Variants in ITPRID1 observed in about 807,000 individuals in gnomAD.
ITPRID1 encodes protein ITPRID1.
In ITPRID1, 96 loss-of-function variants were observed where a neutral mutation model predicts 95.4. The observed-to-expected ratio is 1.01, with a 90% CI of 0.85 to 1.19. ITPRID1 has a LOEUF of 1.19. ITPRID1 is among the 50% of genes most tolerant of loss of function. The pLI is 0.00. For missense variants in ITPRID1, 1,339 were observed against 1,252.9 expected (o/e 1.07, Z -1.04); for synonymous variants, 510 against 453.6 (o/e 1.12, Z -1.58).
At chr7:31,561,736 A>G (rs1322837715) in intron 5 of ITPRID1, among the ~76,000 whole-genome samples, 1 of 152,188 alleles carries the variant, frequency 6.6e-6, no homozygotes, top group African/African-American at 2.4e-5. Context: ...TGGATGACTT[A>G]CAGAAAAGAG....
At chr7:31,611,272 A>G (rs932008541) in intron 10 of ITPRID1, among the ~76,000 whole-genome samples, 7 of 151,618 alleles carry the variant, frequency 4.6e-5, no homozygotes, top group Admixed American at 3.9e-4. Flanking sequence ...TATTATTGTC[A>G]TACACATTAC....
chr7:31,619,117 G>A (rs1196901540), intron 10 of ITPRID1, among the ~76,000 whole-genome samples: 1 of 152,112 alleles, frequency 6.6e-6, no homozygotes, highest in Non-Finnish European at 1.5e-5. Context: ...GTGTATATTA[G>A]TCACAACATT....
At chr7:31,530,247 C>CT (rs1418772261) in intron 1 of ITPRID1, among the ~76,000 whole-genome samples, 4 of 152,052 alleles carry the variant, frequency 2.6e-5, no homozygotes, top group African/African-American at 4.8e-5. Flanking sequence ...GTACTTAGGA[C>CT]TTTTTTTGTC....
At chr7:31,526,836 C>T (rs1013012538) in intron 1 of ITPRID1, among the ~76,000 whole-genome samples, 8 of 152,148 alleles carry the variant, frequency 5.3e-5, no homozygotes, top group Non-Finnish European at 1.0e-4. Context: ...TGGTCCCCAG[C>T]CTCCTTTTTT....
At chr7:31,549,940 T>G (rs1784227314) in intron 2 of ITPRID1, among the ~76,000 whole-genome samples, 1 of 152,168 alleles carries the variant, frequency 6.6e-6, no homozygotes. Context: ...CTGCTTTAAG[T>G]GTCAAAGCAC....
At chr7:31,583,797 C>G (rs1396935097) in intron 10 of ITPRID1, among the ~76,000 whole-genome samples, 5 of 152,082 alleles carry the variant, frequency 3.3e-5, no homozygotes, top group Admixed American at 3.3e-4. Flanking sequence ...TGGGACTGAG[C>G]CTGACTGTGG....
chr7:31,516,745 G>A (rs1054013543), intron 1 of ITPRID1, among the ~76,000 whole-genome samples: 9 of 151,922 alleles, frequency 5.9e-5, no homozygotes, highest in Non-Finnish European at 1.2e-4. Context: ...CCAAAGTAGT[G>A]ACTTCTCTGT....
At chr7:31,620,791 A>C (rs113240349) in intron 10 of ITPRID1, among the ~76,000 whole-genome samples, 2,223 of 152,302 alleles carry the variant, frequency 0.015, 62 homozygotes, top group African/African-American at 0.05. Flanking sequence ...AGAAGAAGAC[A>C]TCAGACGATC....
At chr7:31,544,120 G>A (rs564530871) in intron 1 of ITPRID1, among the ~76,000 whole-genome samples, 19 of 152,174 alleles carry the variant, frequency 1.2e-4, no homozygotes, top group African/African-American at 3.9e-4. Flanking sequence ...GCACAATGTT[G>A]AAAAGGAATG....
At chr7:31,519,645 T>TATATATATATATATATATATATATATAA (rs1332451516) in intron 1 of ITPRID1, among the ~76,000 whole-genome samples, 37 of 115,068 alleles carry the variant, frequency 3.2e-4, no homozygotes, top group East Asian at 5.7e-4. Flanking sequence ...TATATATATA[T>TATATATATATATATATATATATATATAA]AAATCTTATG....
At chr7:31,521,755 C>T (rs1459162673) in intron 1 of ITPRID1, among the ~76,000 whole-genome samples, 1 of 143,772 alleles carries the variant, frequency 7.0e-6, no homozygotes, top group African/African-American at 2.5e-5. Flanking sequence ...GGGCCTCGTT[C>T]TCTCACCCAA....
At chr7:31,548,752 C>T (rs1197288395) in intron 1 of ITPRID1, among the ~76,000 whole-genome samples, 1 of 151,994 alleles carries the variant, frequency 6.6e-6, no homozygotes, top group Admixed American at 6.6e-5. Flanking sequence ...CAGGACTGGT[C>T]TCTTAGTTTG....
intron 10 of ITPRID1, among the ~76,000 whole-genome samples, chr7:31,601,072 TA>T (rs1786375043): frequency 6.6e-6 from 1 of 152,116 alleles, no homozygotes; most frequent in Non-Finnish European, 1.5e-5. Flanking sequence ...ATGCTGAAGA[TA>T]CAAATAGAAG....
intron 5 of ITPRID1, among the ~76,000 whole-genome samples, chr7:31,556,609 G>A (rs539919977): frequency 6.6e-6 from 1 of 152,208 alleles, no homozygotes; most frequent in East Asian, 1.9e-4. Flanking sequence ...AATGGTGGAT[G>A]CTAGAACAGT....
chr7:31,623,861 T>G (rs1163136231), intron 10 of ITPRID1, among the ~76,000 whole-genome samples: 4 of 152,136 alleles, frequency 2.6e-5, no homozygotes, highest in African/African-American at 9.7e-5. Context: ...TGATTTTATA[T>G]GTAGAAAACC....
intron 1 of ITPRID1, among the ~76,000 whole-genome samples, chr7:31,519,919 T>A (rs975102347): frequency 1.3e-5 from 2 of 151,946 alleles, no homozygotes; most frequent in African/African-American, 2.4e-5. Flanking sequence ...TATTATTAAC[T>A]AAGTCCGCCT....
chr7:31,531,362 A>AT (rs1783590469), intron 1 of ITPRID1, among the ~76,000 whole-genome samples: 4 of 151,562 alleles, frequency 2.6e-5, no homozygotes, highest in Admixed American at 2.0e-4. Flanking sequence ...TAATTTTCTG[A>AT]TTATAAGAAT....
chr7:31,527,239 A>T (rs12701109), intron 1 of ITPRID1, among the ~76,000 whole-genome samples: 1 of 152,000 alleles, frequency 6.6e-6, no homozygotes, highest in Non-Finnish European at 1.5e-5. Context: ...AGTTAATTAC[A>T]TTACTGAGTT....
At chr7:31,601,009 A>G (rs1208554628) in intron 10 of ITPRID1, among the ~76,000 whole-genome samples, 1 of 152,148 alleles carries the variant, frequency 6.6e-6, no homozygotes, top group East Asian at 1.9e-4. Flanking sequence ...AGCCACCTGT[A>G]AGACTTTAAC....
Sources: allele counts gnomAD v4.1 joint callset (sites outside exome capture counted in the v4.1 genomes callset), GRCh38; gene constraint gnomAD v4.1.1; transcripts MANE v1.5; gene names NCBI Gene and HGNC (gene_info 2026-07-23, HGNC 2026-07-21).